The following PLXNA4 variants were observed in gnomAD, a reference collection of about 807,000 sequenced individuals.
PLXNA4 encodes plexin-A4.
In PLXNA4, 44 loss-of-function variants were observed where a neutral mutation model predicts 191.8. The observed-to-expected ratio is 0.23, with a 90% CI of 0.18 to 0.29. The LOEUF (loss-of-function observed/expected upper bound fraction) is 0.29. PLXNA4 is among the 10% of genes least tolerant of loss of function. The probability of loss-of-function intolerance (pLI) is 1.00; values close to 1 mark genes in which losing one functional copy is unlikely to be tolerated. For synonymous variants in PLXNA4, 1,082 were observed against 1,009.5 expected, an observed-to-expected ratio of 1.07 and a Z score of -1.36; for missense variants, 1,800 against 2,488.8, an observed-to-expected ratio of 0.72 and a Z score of 5.89.
chr7:132,507,988 T>A lies in PLXNA4; in HGVS notation c.706A>T (p.Ile236Phe). The A allele has an allele frequency of 6.2e-7, 1 of 1,614,166 alleles. No homozygotes were observed. Residue 236 changes from isoleucine (I) to phenylalanine (F), a missense_variant, in exon 2 of 32, where the codon ATC becomes TTC. This residue lies in a region of PLXNA4 where 1,397 missense variants were observed against 1,880.4 expected (regional missense o/e 0.74). Transcript: ENST00000321063. ...TAGTAGATATCAAAGTCAGGGATGA[T>A]GGTGAAGGTGTCCGAAGGGATCTTA... ...MIKIPSDTFTIIPDFDIYYVY... is the reference protein window; with the variant it reads ...MIKIPSDTFTFIPDFDIYYVY...
intron 3 of PLXNA4, chr7:132,484,906 A>G: frequency 6.2e-7 from 1 of 1,614,196 alleles, no homozygotes; most frequent in Non-Finnish European, 8.5e-7. Context: ...AGCACTGAAG[A>G]TACACACACA....
intron 23 of PLXNA4, among the ~76,000 whole-genome samples, chr7:132,164,565 C>A (rs1796043942): frequency 6.6e-6 from 1 of 152,088 alleles, no homozygotes; most frequent in Non-Finnish European, 1.5e-5. Flanking sequence ...CTCCCCCGCT[C>A]CCCTCCCCTC....
intron 3 of PLXNA4, among the ~76,000 whole-genome samples, chr7:132,422,735 C>T (rs1422010361): frequency 6.6e-6 from 1 of 152,370 alleles, no homozygotes; most frequent in Admixed American, 6.5e-5. Flanking sequence ...CTTTCCAAGG[C>T]CCAGGCCCTG....
At chr7:132,350,592 G>A (rs1168719057) in intron 3 of PLXNA4, among the ~76,000 whole-genome samples, 2 of 152,216 alleles carry the variant, frequency 1.3e-5, no homozygotes, top group Non-Finnish European at 2.9e-5. Context: ...AGCAGGAGAT[G>A]CCATTTCCCA....
At chr7:132,300,836 G>A (rs1432968107) in intron 3 of PLXNA4, among the ~76,000 whole-genome samples, 1 of 152,234 alleles carries the variant, frequency 6.6e-6, no homozygotes, top group Non-Finnish European at 1.5e-5. Context: ...GGTCCCCAGG[G>A]GAGTGCTGGC....
At chr7:132,499,864 C>T (rs917565322) in intron 2 of PLXNA4, among the ~76,000 whole-genome samples, 1 of 152,142 alleles carries the variant, frequency 6.6e-6, no homozygotes, top group Non-Finnish European at 1.5e-5. Flanking sequence ...GACGGAGACA[C>T]AGTAATGGCA....
At chr7:132,339,900 C>T (rs1046154166) in intron 3 of PLXNA4, among the ~76,000 whole-genome samples, 18 of 152,158 alleles carry the variant, frequency 1.2e-4, no homozygotes, top group African/African-American at 4.1e-4. Context: ...GGACCTAGCA[C>T]AGAAGCTGAA....
At chr7:132,509,404 T>C (rs1798618871) in intron 1 of PLXNA4, among the ~76,000 whole-genome samples, 2 of 152,204 alleles carry the variant, frequency 1.3e-5, no homozygotes, top group Non-Finnish European at 2.9e-5. Context: ...ATAGCCCCTT[T>C]ATTAACCTTT....
At chr7:132,419,016 C>A (rs938052810) in intron 3 of PLXNA4, among the ~76,000 whole-genome samples, 1 of 152,190 alleles carries the variant, frequency 6.6e-6, no homozygotes, top group Non-Finnish European at 1.5e-5. Flanking sequence ...CACGTACAGG[C>A]ACCGTCTCCT....
chr7:132,220,610 G>T (rs1001381388), intron 9 of PLXNA4, among the ~76,000 whole-genome samples: 1 of 151,826 alleles, frequency 6.6e-6, no homozygotes, highest in Non-Finnish European at 1.5e-5. Flanking sequence ...CCTTCTCTCG[G>T]CCATTTCCTC....
At position 132,180,694 on chromosome 7, in the gene PLXNA4, C is replaced by T. The variant is rs1796675366; in HGVS notation, c.3531G>A (p.Val1177=). Residue 1177 remains valine (V), a synonymous_variant, in exon 19 of 32, where the codon GTG becomes GTA. Transcript: ENST00000321063. ...NLIPPVAGGN[V]KLNYTVLVGE... ...CAACCAGCACAGTGTAGTTCAGCTT[C>T]ACGTTGCCCCCAGCCACAGGCGGGA... 1.2e-6 allele frequency: 2 copies of T among 1,614,062 alleles called. No homozygotes were observed. The highest frequency in any genetic ancestry group is 1.1e-5 in the South Asian group (1 of 91,084).
At chr7:132,321,457 G>A (rs962409450) in intron 3 of PLXNA4, among the ~76,000 whole-genome samples, 1 of 151,352 alleles carries the variant, frequency 6.6e-6, no homozygotes, top group African/African-American at 2.4e-5. Context: ...GACAGTCTCT[G>A]TACACATTCC....
chr7:132,197,167 C>G (rs1231699649), intron 13 of PLXNA4, among the ~76,000 whole-genome samples: 2 of 152,124 alleles, frequency 1.3e-5, no homozygotes, highest in Non-Finnish European at 2.9e-5. Flanking sequence ...GCATTTTCTT[C>G]TAATCCTTTC....
chr7:132,344,997 A>G (rs1043732758), intron 3 of PLXNA4, among the ~76,000 whole-genome samples: 1 of 152,178 alleles, frequency 6.6e-6, no homozygotes, highest in African/African-American at 2.4e-5. Flanking sequence ...TAAATAATAC[A>G]TATTTTCCCC....
At chr7:132,475,280 G>A (rs1797079397) in intron 3 of PLXNA4, among the ~76,000 whole-genome samples, 1 of 152,118 alleles carries the variant, frequency 6.6e-6, no homozygotes, top group Admixed American at 6.5e-5. Context: ...GTGACCAGCG[G>A]AGGAAGCACA....
At chr7:132,413,872 C>G (rs892860970) in intron 3 of PLXNA4, among the ~76,000 whole-genome samples, 2 of 152,138 alleles carry the variant, frequency 1.3e-5, no homozygotes, top group African/African-American at 4.8e-5. Flanking sequence ...ATCCAGTAAA[C>G]AAAACTCTCA....
chr7:132,633,455 G>T (rs1460313230), intron 2 of PLXNA4, among the ~76,000 whole-genome samples: 1 of 152,002 alleles, frequency 6.6e-6, no homozygotes, highest in Non-Finnish European at 1.5e-5. Context: ...GCTAATTTTT[G>T]TATTTTTAGT....
chr7:132,134,187 C>T (rs1584748682), intron 30 of PLXNA4, among the ~76,000 whole-genome samples: 1 of 152,184 alleles, frequency 6.6e-6, no homozygotes, highest in Non-Finnish European at 1.5e-5. Context: ...GTGACAATGA[C>T]AGACCCTGGG....
At chr7:132,134,631 C>T (rs1433401327) in intron 30 of PLXNA4, among the ~76,000 whole-genome samples, 1 of 152,228 alleles carries the variant, frequency 6.6e-6, no homozygotes, top group East Asian at 1.9e-4. Flanking sequence ...ATACCAGACA[C>T]TTTCTCAACT....
Sources: allele counts gnomAD v4.1 joint callset (sites outside exome capture counted in the v4.1 genomes callset), GRCh38; gene constraint gnomAD v4.1.1; regional missense constraint gnomAD v4.1.1; transcripts MANE v1.5; gene names NCBI Gene and HGNC (gene_info 2026-07-23, HGNC 2026-07-21).